The following MACROD2 variants were observed in gnomAD, a reference collection of about 807,000 sequenced individuals.
MACROD2 encodes the protein ADP-ribose glycohydrolase MACROD2.
Under a neutral mutation model 70.4 loss-of-function variants are expected in MACROD2, and 36 were observed. The observed-to-expected ratio is 0.51, with a 90% CI of 0.39 to 0.68. The LOEUF is 0.68. MACROD2 is among the 30% of genes least tolerant of loss of function. The probability of loss-of-function intolerance (pLI) is 0.00; values close to 1 mark genes in which losing one functional copy is unlikely to be tolerated. For synonymous variants in MACROD2, 172 were observed against 178.8 expected (o/e 0.96, Z 0.30); for missense variants, 496 against 538.4 (o/e 0.92, Z 0.78).
chr20:14,725,866 G>C (rs1455429772), intron 5 of MACROD2, among the ~76,000 whole-genome samples: 1 of 152,130 alleles, frequency 6.6e-6, no homozygotes, highest in Non-Finnish European at 1.5e-5. Context: ...TATGGGCCAA[G>C]AAAAAGCCCT....
chr20:15,446,659 AC>A (rs2046569769), intron 7 of MACROD2, among the ~76,000 whole-genome samples: 1 of 152,166 alleles, frequency 6.6e-6, no homozygotes, highest in Non-Finnish European at 1.5e-5. Flanking sequence ...GAAAGTGATC[AC>A]CGGCAGCTCA....
intron 3 of MACROD2, among the ~76,000 whole-genome samples, chr20:14,169,361 A>ATGGT (rs1436554051): frequency 2.0e-5 from 3 of 151,860 alleles, no homozygotes; most frequent in Non-Finnish European, 4.4e-5. Flanking sequence ...GTGGAGTGCA[A>ATGGT]TGGTGCGATC....
chr20:15,869,238 T>TATATATATATATATAGAG lies in MACROD2; in HGVS notation c.727+6413_727+6414insTATATATATATATAGAGA. Reference sequence around the variant, plus strand: ...ATATATATATATATATATATATATATAGAGAGAGAGAGAGAGAGAGAGAGA... The same window carrying TATATATATATATATAGAG: ...ATATATATATATATATATATATATATATATATATATATATAGAGAGAGAGAGAGAGAGAGAGAGAGAGA... On this transcript the variant is annotated intron_variant, in intron 9 of 17. Coordinates refer to ENST00000684519, the MANE Select transcript of MACROD2 (RefSeq NM_001351661.2). Among the ~76,000 whole-genome samples the TATATATATATATATAGAG allele has an allele frequency of 7.1e-4, 20 of 28,294 alleles. 1 individual carries two copies. The highest frequency in any genetic ancestry group is 0.031 in the Middle Eastern group (1 of 32). The allele number at this position is 28,294 out of a possible 152,430, so 18.6% of individuals were successfully genotyped here.
intron 3 of MACROD2, among the ~76,000 whole-genome samples, chr20:14,342,427 C>G (rs940194399): frequency 1.4e-4 from 22 of 152,154 alleles, no homozygotes; most frequent in African/African-American, 5.3e-4. Context: ...TAGACGCTCT[C>G]AAGTCTAGCC....
intron 5 of MACROD2, among the ~76,000 whole-genome samples, chr20:14,721,656 A>G (rs970359091): frequency 6.6e-6 from 1 of 152,122 alleles, no homozygotes. Flanking sequence ...GCCTTTCTTC[A>G]TAGGTTTCTT....
intron 3 of MACROD2, among the ~76,000 whole-genome samples, chr20:14,120,555 A>G (rs1601246256): frequency 6.6e-6 from 1 of 152,010 alleles, no homozygotes; most frequent in Non-Finnish European, 1.5e-5. Flanking sequence ...TCATTCTACT[A>G]TAAAGACACA....
At chr20:15,050,874 A>G (rs1443536124) in intron 5 of MACROD2, among the ~76,000 whole-genome samples, 2 of 152,144 alleles carry the variant, frequency 1.3e-5, no homozygotes, top group African/African-American at 2.4e-5. Context: ...TAGAATAAAG[A>G]TGACTCTTGG....
At chr20:15,975,559 A>T (rs1238444872) in intron 13 of MACROD2, among the ~76,000 whole-genome samples, 3 of 152,234 alleles carry the variant, frequency 2.0e-5, no homozygotes, top group Non-Finnish European at 4.4e-5. Context: ...GTAATGACAG[A>T]GGATGATGCT....
intron 2 of MACROD2, among the ~76,000 whole-genome samples, chr20:14,049,190 C>CAAAAA (rs1182272964): frequency 1.6e-4 from 21 of 134,878 alleles, no homozygotes; most frequent in African/African-American, 4.4e-4. Context: ...AAAAAAAAAA[C>CAAAAA]AAAAAAACAA....
At chr20:15,556,777 C>A (rs2048174150) in intron 8 of MACROD2, among the ~76,000 whole-genome samples, 1 of 152,218 alleles carries the variant, frequency 6.6e-6, no homozygotes, top group African/African-American at 2.4e-5. Context: ...GGATTCCTCT[C>A]TGGTCAATGG....
At chr20:14,490,460 G>C (rs2084781989) in intron 3 of MACROD2, among the ~76,000 whole-genome samples, 1 of 152,028 alleles carries the variant, frequency 6.6e-6, no homozygotes. Flanking sequence ...TTTTAGTTTT[G>C]CATTGAATCA....
At chr20:14,481,277 G>A (rs564228304) in intron 3 of MACROD2, among the ~76,000 whole-genome samples, 6 of 152,046 alleles carry the variant, frequency 3.9e-5, no homozygotes, top group Admixed American at 1.3e-4. Context: ...CTTTAATAGC[G>A]ATGTATGTTT....
intron 8 of MACROD2, among the ~76,000 whole-genome samples, chr20:15,765,193 T>C (rs1190956533): frequency 9.9e-5 from 15 of 152,186 alleles, no homozygotes; most frequent in Admixed American, 9.2e-4. Context: ...CATTGACAGC[T>C]GGGTTTTCCT....
chr20:15,097,803 A>G (rs2075844847), intron 5 of MACROD2, among the ~76,000 whole-genome samples: 1 of 152,206 alleles, frequency 6.6e-6, no homozygotes, highest in African/African-American at 2.4e-5. Flanking sequence ...ATTTCTATCG[A>G]CAAACACGTA....
At chr20:14,594,138 G>A (rs1412733394) in intron 4 of MACROD2, among the ~76,000 whole-genome samples, 1 of 152,182 alleles carries the variant, frequency 6.6e-6, no homozygotes, top group Non-Finnish European at 1.5e-5. Flanking sequence ...GCCTCAGGGA[G>A]TTGTAAGGAA....
At chr20:15,981,647 C>T (rs116291075) in intron 13 of MACROD2, among the ~76,000 whole-genome samples, 2,051 of 152,284 alleles carry the variant, frequency 0.013, 48 homozygotes, top group African/African-American at 0.047. Context: ...ATCTTAGGTA[C>T]TGGCACATTT....
At chr20:15,685,390 G>A (rs1044458256) in intron 8 of MACROD2, among the ~76,000 whole-genome samples, 1 of 152,212 alleles carries the variant, frequency 6.6e-6, no homozygotes, top group African/African-American at 2.4e-5. Context: ...TAAGATAGCT[G>A]TAACCTTCTC....
At chr20:15,292,582 A>G (rs1240458416) in intron 6 of MACROD2, among the ~76,000 whole-genome samples, 1 of 152,214 alleles carries the variant, frequency 6.6e-6, no homozygotes, top group African/African-American at 2.4e-5. Context: ...CAAATGCATA[A>G]TAAAAGAAAC....
At chr20:14,334,585 C>A (rs1227298740) in intron 3 of MACROD2, among the ~76,000 whole-genome samples, 1 of 151,002 alleles carries the variant, frequency 6.6e-6, no homozygotes, top group Non-Finnish European at 1.5e-5. Flanking sequence ...CTGCTGCTGG[C>A]CAGTTTTTCT....
Sources: gnomAD v4.1 joint callset for allele counts (sites outside exome capture counted in the v4.1 genomes callset) on GRCh38, gnomAD v4.1.1 for gene constraint, MANE v1.5 for transcripts, NCBI Gene and HGNC (gene_info 2026-07-23, HGNC 2026-07-21) for gene names.